The following CFDP1 variants were observed in gnomAD, a reference collection of about 807,000 sequenced individuals.
CFDP1 encodes the protein chromatin remodeling protein CFDP1.
Under a neutral mutation model 40.1 loss-of-function variants are expected in CFDP1, and 31 were observed. That is an observed-to-expected ratio of 0.77 (90% CI 0.58 to 1.04). The LOEUF is 1.04. CFDP1 is among the 50% of genes least tolerant of loss of function. The probability of loss-of-function intolerance (pLI) is 0.00; values close to 1 mark genes in which losing one functional copy is unlikely to be tolerated. For missense variants in CFDP1, 423 were observed against 343.4 expected (o/e 1.23, Z -1.83); for synonymous variants, 167 against 120.0 (o/e 1.39, Z -2.56).
In CFDP1 at chr16:75,343,293, G is replaced by C. The variant is rs762979933; in HGVS notation, c.651-38111C>G. Among the ~76,000 whole-genome samples, 3 of 152,074 alleles carry C rather than the reference G, an allele frequency of 2.0e-5. No homozygotes were observed. The East Asian group carries it at 5.8e-4, about 29-fold the overall frequency. On this transcript the variant is annotated intron_variant, in intron 5 of 6. Coordinates refer to ENST00000283882, the MANE Select transcript of CFDP1 (RefSeq NM_006324.3). ...AAAATGCTGCTGGCACTAGATAGCA[G>C]GCCTCTCCGCACATGCATGTTCTCT...
chr16:75,322,164 CAT>C (rs1395503396), intron 5 of CFDP1, among the ~76,000 whole-genome samples: 2 of 152,202 alleles, frequency 1.3e-5, no homozygotes, highest in Non-Finnish European at 2.9e-5. Flanking sequence ...GATGGTCATG[CAT>C]ACATTTTGTA....
At chr16:75,325,839 G>A (rs900589747) in intron 5 of CFDP1, among the ~76,000 whole-genome samples, 1 of 152,166 alleles carries the variant, frequency 6.6e-6, no homozygotes, top group African/African-American at 2.4e-5. Context: ...TTTCTACAGG[G>A]GAACTAAGTA....
chr16:75,333,272 C>T lies in CFDP1; in HGVS notation c.651-28090G>A, dbSNP rs1358461055. Among the ~76,000 whole-genome samples the T allele has an allele frequency of 3.9e-5, 6 of 152,166 alleles. No homozygotes were observed. In the South Asian group the frequency reaches 8.3e-4, roughly 21 times the overall value. On this transcript the variant is annotated intron_variant, in intron 5 of 6. Coordinates refer to ENST00000283882, the MANE Select transcript of CFDP1 (RefSeq NM_006324.3). ...TCGAGTAGCTGGGACTACAGGCGCA[C>T]GCCGCCACGCCTGGCTAATTTTTTG...
At chr16:75,354,072 T>C (rs1422814478) in intron 5 of CFDP1, among the ~76,000 whole-genome samples, 4 of 152,188 alleles carry the variant, frequency 2.6e-5, no homozygotes, top group Non-Finnish European at 5.9e-5. Flanking sequence ...ACTTCCAGTA[T>C]AGTATTTGAT....
intron 1 of CFDP1, among the ~76,000 whole-genome samples, chr16:75,427,145 A>G (rs538398073): frequency 6.6e-6 from 1 of 152,218 alleles, no homozygotes; most frequent in South Asian, 2.1e-4. Flanking sequence ...AAATGGACAA[A>G]GAATTCAAAA....
intron 5 of CFDP1, among the ~76,000 whole-genome samples, chr16:75,341,100 A>G (rs1231253221): frequency 1.3e-5 from 2 of 152,192 alleles, no homozygotes; most frequent in Non-Finnish European, 2.9e-5. Flanking sequence ...CTCCCAGAGC[A>G]CTTTCTAATG....
chr16:75,375,973 GA>G (rs2078791978), intron 5 of CFDP1, among the ~76,000 whole-genome samples: 1 of 152,176 alleles, frequency 6.6e-6, no homozygotes, highest in Non-Finnish European at 1.5e-5. Context: ...TGCAGTTTGG[GA>G]GGCTGCAGCA....
chr16:75,364,546 C>T (rs983196555), intron 5 of CFDP1, among the ~76,000 whole-genome samples: 13 of 152,076 alleles, frequency 8.5e-5, no homozygotes, highest in Admixed American at 7.2e-4. Flanking sequence ...TGGTGGGTGA[C>T]GGTGTTATTG....
intron 5 of CFDP1, among the ~76,000 whole-genome samples, chr16:75,335,987 T>C (rs1391046781): frequency 5.9e-5 from 9 of 152,074 alleles, no homozygotes; most frequent in East Asian, 1.9e-4. Context: ...AATGACAGAA[T>C]TGGGGGGAAG....
chr16:75,432,219 T>C (rs943451669), intron 1 of CFDP1, among the ~76,000 whole-genome samples: 39 of 150,024 alleles, frequency 2.6e-4, no homozygotes, highest in African/African-American at 8.8e-4. Flanking sequence ...ATGGAATGGC[T>C]AGTTTTCAAC....
At chr16:75,349,287 T>G (rs2078591072) in intron 5 of CFDP1, among the ~76,000 whole-genome samples, 2 of 151,728 alleles carry the variant, frequency 1.3e-5, no homozygotes, top group South Asian at 4.2e-4. Flanking sequence ...CCAAGGCAGG[T>G]GGATTACTTG....
chr16:75,412,630 C>G lies in CFDP1; in HGVS notation c.307G>C (p.Glu103Gln). 6.2e-7 allele frequency: 1 copy of G among 1,614,182 alleles called. No homozygotes were observed. Among genetic ancestry groups the G allele is most frequent in the Non-Finnish European group, 8.5e-7 (1 of 1,180,016 alleles). The change falls in exon 3 of 7, where the codon GAG becomes CAG. Residue 103 changes from glutamate to glutamine, a missense_variant. Transcript: ENST00000283882. ...AAEQEKGIGS[E>Q]DARKKKEDEL... ...TCCTCCTTCTTTTTCCTGGCATCCTCTGATCCAATGCCTTTTTCCTGCTCT... is the reference window on the plus strand; with the variant it reads ...TCCTCCTTCTTTTTCCTGGCATCCTGTGATCCAATGCCTTTTTCCTGCTCT...
At chr16:75,391,445 AT>A (rs2078949903) in intron 5 of CFDP1, 1 of 152,210 alleles carries the variant, frequency 6.6e-6, no homozygotes, top group African/African-American at 2.4e-5. Flanking sequence ...ATTTTGTCAA[AT>A]TCAGGTTGCA....
chr16:75,400,782 G>T (rs2079045145), intron 4 of CFDP1, among the ~76,000 whole-genome samples: 1 of 152,182 alleles, frequency 6.6e-6, no homozygotes, highest in Non-Finnish European at 1.5e-5. Context: ...ACTCATATTG[G>T]ACTTTATACC....
At chr16:75,383,619 G>C (rs1296977580) in intron 5 of CFDP1, among the ~76,000 whole-genome samples, 4 of 152,000 alleles carry the variant, frequency 2.6e-5, no homozygotes. Flanking sequence ...AAGTGATCGA[G>C]ACCATCCTTG....
chr16:75,391,975 T>A (rs958772972), intron 5 of CFDP1, among the ~76,000 whole-genome samples: 12 of 148,042 alleles, frequency 8.1e-5, no homozygotes, highest in African/African-American at 3.1e-4. Context: ...CTCAAAAAAA[T>A]AAAAAATAAA....
chr16:75,294,896 G>A (rs532940883), intron 6 of CFDP1, among the ~76,000 whole-genome samples: 11 of 152,278 alleles, frequency 7.2e-5, no homozygotes, highest in Admixed American at 1.3e-4. Context: ...GCACAGGCGC[G>A]CTTGCTAGGA....
intron 2 of CFDP1, among the ~76,000 whole-genome samples, chr16:75,413,109 T>C (rs1334853835): frequency 1.3e-5 from 2 of 152,224 alleles, no homozygotes; most frequent in African/African-American, 4.8e-5. Flanking sequence ...ATATTATATG[T>C]GCCAGACATT....
intron 5 of CFDP1, among the ~76,000 whole-genome samples, chr16:75,380,369 G>C (rs1042999105): frequency 1.3e-5 from 2 of 152,112 alleles, no homozygotes; most frequent in Admixed American, 1.3e-4. Context: ...CCACAGTAGA[G>C]CACATGAGCT....
Sources: allele counts gnomAD v4.1 joint callset (sites outside exome capture counted in the v4.1 genomes callset), GRCh38; gene constraint gnomAD v4.1.1; transcripts MANE v1.5; gene names NCBI Gene and HGNC (gene_info 2026-07-23, HGNC 2026-07-21).